Variants in ERICH3 observed in about 807,000 individuals in gnomAD.
ERICH3 encodes the protein glutamate-rich protein 3.
Under a neutral mutation model 131.1 loss-of-function variants are expected in ERICH3, and 126 were observed. The observed-to-expected ratio is 0.96, with a 90% CI of 0.83 to 1.11. ERICH3 has a LOEUF of 1.11. Among genes scored for constraint, ERICH3 ranks in the 50% most tolerant of loss-of-function variants. The probability of loss-of-function intolerance (pLI) is 0.00; values close to 1 mark genes in which losing one functional copy is unlikely to be tolerated. For synonymous variants in ERICH3, 695 were observed against 644.6 expected (o/e 1.08, Z -1.18); for missense variants, 2,050 against 1,810.7 (o/e 1.13, Z -2.40).
At chr1:74,622,729 G>C (rs1358311576) in intron 7 of ERICH3, 1 of 152,180 alleles carries the variant, frequency 6.6e-6, no homozygotes, top group Admixed American at 6.5e-5. Flanking sequence ...GTCAGGGAAA[G>C]ACCTGTGTCC....
At chr1:74,667,411 C>T (rs979322628) in intron 1 of ERICH3, among the ~76,000 whole-genome samples, 22 of 152,174 alleles carry the variant, frequency 1.4e-4, no homozygotes, top group South Asian at 1.2e-3. Context: ...TGTGGGGAAG[C>T]GAGTAAGCCA....
intron 10 of ERICH3, among the ~76,000 whole-genome samples, chr1:74,602,349 C>T (rs1648177334): frequency 6.6e-6 from 1 of 151,940 alleles, no homozygotes; most frequent in Non-Finnish European, 1.5e-5. Context: ...ACCTTTGTGT[C>T]ATCTACTCAT....
Position 74,576,935 on chromosome 1 carries a change from T to C in ERICH3, c.2178A>G (p.Gly726=). The C allele has an allele frequency of 6.3e-7, 1 of 1,594,430 alleles. No individual in the cohort carries two copies. The highest frequency in any genetic ancestry group is 8.5e-7 in the Non-Finnish European group (1 of 1,173,382). The part of the protein sequence containing the change: ...KAGLPGLEEG[G]KDSLPLAYVL... ...CATAGGCTAATGGCAATGAATCCTT[T>C]CCTAGTTAAAAAAAAAAAAAAGAAA... Residue 726 remains glycine (G), a splice_region_variant and synonymous_variant, in exon 13 of 15, where the codon GGA becomes GGG. Coordinates refer to ENST00000326665, the MANE Select transcript of ERICH3 (RefSeq NM_001002912.5).
At chr1:74,602,740 A>T (rs1343376571) in intron 10 of ERICH3, among the ~76,000 whole-genome samples, 1 of 151,928 alleles carries the variant, frequency 6.6e-6, no homozygotes, top group African/African-American at 2.4e-5. Context: ...AGCACTAGTT[A>T]TGTTGGTTTA....
chr1:74,599,392 A>C (rs572047495), intron 11 of ERICH3, among the ~76,000 whole-genome samples: 21 of 152,076 alleles, frequency 1.4e-4, no homozygotes, highest in African/African-American at 5.1e-4. Flanking sequence ...ACATGGACAC[A>C]TAGTGGGGAA....
At chr1:74,602,054 T>C (rs912479155) in intron 10 of ERICH3, among the ~76,000 whole-genome samples, 1 of 151,858 alleles carries the variant, frequency 6.6e-6, no homozygotes, top group Non-Finnish European at 1.5e-5. Flanking sequence ...TATGTACTCC[T>C]TTGACAGCAA....
At chr1:74,658,394 G>T (rs1170933716) in intron 1 of ERICH3, among the ~76,000 whole-genome samples, 7 of 152,158 alleles carry the variant, frequency 4.6e-5, no homozygotes, top group African/African-American at 7.2e-5. Flanking sequence ...AAGCAGCATT[G>T]AGCAGAGGGA....
chr1:74,590,066 A>C lies in ERICH3; in HGVS notation c.1741T>G (p.Ser581Ala), dbSNP rs112737024. 5 of 1,602,418 alleles carry C rather than the reference A, an allele frequency of 3.1e-6. No homozygotes were observed. Among genetic ancestry groups the C allele is most frequent in the South Asian group, 2.2e-5 (2 of 89,862 alleles). Residue 581 changes from serine to alanine, a missense_variant, in exon 12 of 15, where the codon TCA becomes GCA. By Grantham distance (99) the Ser-to-Ala change is moderately conservative. Coordinates refer to ENST00000326665, the MANE Select transcript of ERICH3 (RefSeq NM_001002912.5). Reference sequence around the variant, plus strand: ...GGGTGACTTCTGGATGAGGTTGATGAAGCAGTTTTCATATCTACAAAAAAT... The same window carrying C: ...GGGTGACTTCTGGATGAGGTTGATGCAGCAGTTTTCATATCTACAAAAAAT... ...EEDKQDMKTA[S>A]STSSRSHPYS...
At chr1:74,659,322 G>C (rs74095105) in intron 1 of ERICH3, among the ~76,000 whole-genome samples, 446 of 87,384 alleles carry the variant, frequency 5.1e-3, no homozygotes, top group African/African-American at 0.02. Context: ...TTGCACAGGC[G>C]CATGTGTGTG....
chr1:74,636,009 T>G (rs1040679732), intron 6 of ERICH3, among the ~76,000 whole-genome samples: 1 of 152,196 alleles, frequency 6.6e-6, no homozygotes, highest in South Asian at 2.1e-4. Flanking sequence ...GTTTTCCCCT[T>G]TGTTTTTCAA....
intron 11 of ERICH3, among the ~76,000 whole-genome samples, chr1:74,590,396 C>T (rs896213997): frequency 2.0e-5 from 3 of 152,094 alleles, no homozygotes; most frequent in Non-Finnish European, 4.4e-5. Flanking sequence ...AATTATACAA[C>T]TGACAATAAT....
intron 9 of ERICH3, among the ~76,000 whole-genome samples, chr1:74,609,157 A>T (rs1488239066): frequency 6.6e-6 from 1 of 152,066 alleles, no homozygotes; most frequent in Non-Finnish European, 1.5e-5. Flanking sequence ...GCAATTGAAA[A>T]TTACTACGCC....
chr1:74,572,808 C>G lies in ERICH3; in HGVS notation c.2902G>C (p.Asp968His), dbSNP rs757366339. 3.1e-6 allele frequency: 5 copies of G among 1,613,882 alleles called. No homozygotes were observed. Among genetic ancestry groups the G allele is most frequent in the South Asian group, 2.2e-5 (2 of 91,080 alleles). Residue 968 changes from aspartate to histidine, a missense_variant, in exon 14 of 15, where the codon GAC becomes CAC. Physicochemically the swap from Asp to His is moderately conservative, Grantham distance 81. Coordinates refer to ENST00000326665, the MANE Select transcript of ERICH3 (RefSeq NM_001002912.5). ...PMEDTASKRE[D>H]GSEEAILGGE... ...CCAAGAATTGCCTCTTCAGAACCGTCCTCTCTCTTTGATGCTGTGTCCTCC... is the reference window on the plus strand; with the variant it reads ...CCAAGAATTGCCTCTTCAGAACCGTGCTCTCTCTTTGATGCTGTGTCCTCC...
chr1:74,631,896 G>A lies in ERICH3; in HGVS notation c.636C>T (p.Ser212=), dbSNP rs1420583035. ...GKKAVMKFRN[S]IGNSQRMNSY... is the part of the protein sequence containing the mutation. ...AATTCATTCTCTGTGAATTGCCTAT[G>A]GAGTTCCTGAACTTCATCACTGCCT... Residue 212 remains serine (S), a synonymous_variant, in exon 7 of 15, where the codon TCC becomes TCT. Transcript: ENST00000326665. 2 of 1,613,168 alleles carry A rather than the reference G, an allele frequency of 1.2e-6. No homozygotes were observed. Among genetic ancestry groups the A allele is most frequent in the East Asian group, 4.5e-5 (2 of 44,834 alleles).
At chr1:74,573,946 C>G (rs575718952) in intron 13 of ERICH3, among the ~76,000 whole-genome samples, 1 of 150,450 alleles carries the variant, frequency 6.6e-6, no homozygotes, top group East Asian at 1.9e-4. Flanking sequence ...AGAAAAATAG[C>G]ATTTAATCTT....
chr1:74,620,764 A>G lies in ERICH3; in HGVS notation c.970T>C (p.Cys324Arg), dbSNP rs1216169889. 6.2e-7 allele frequency: 1 copy of G among 1,609,650 alleles called. No individual in the cohort carries two copies. The highest frequency in any genetic ancestry group is 1.3e-5 in the African/African-American group (1 of 74,770). Residue 324 changes from cysteine to arginine, a missense_variant, in exon 8 of 15, where the codon TGT becomes CGT. By Grantham distance (180) the Cys-to-Arg change is radical. Coordinates refer to ENST00000326665, the MANE Select transcript of ERICH3 (RefSeq NM_001002912.5). ...TCAAGTAGTTTGCCTTTGTAGACAC[A>G]AAGGTTTTCCCCACCACAGTGCTGC... ...YQQHCGGENL[C>R]VYKGKLLEKE...
At chr1:74,664,196 G>T (rs563243315) in intron 1 of ERICH3, among the ~76,000 whole-genome samples, 1 of 151,834 alleles carries the variant, frequency 6.6e-6, no homozygotes, top group South Asian at 2.1e-4. Flanking sequence ...AATAAAAATG[G>T]AAACTATAAT....
Position 74,606,785 on chromosome 1 carries a change from T to C in ERICH3, c.1305A>G (p.Arg435=), listed in dbSNP as rs764214735. 3 of 1,613,342 alleles carry C rather than the reference T, an allele frequency of 1.9e-6. No homozygotes were observed. In the African/African-American group the frequency reaches 4.0e-5, roughly 22 times the overall value. Residue 435 remains arginine (R), a synonymous_variant, in exon 10 of 15, where the codon AGA becomes AGG. Transcript: ENST00000326665. ...CATTTCTTTTTGGTATCACATACTC[T>C]CTCTCTTTCCTCACTTTCCCCTCAG... ...KKAEGKVRKE[R]EYVIPKRNEI... is the part of the protein sequence containing the mutation.
At chr1:74,648,454 GC>G (rs756261271) in intron 2 of ERICH3, among the ~76,000 whole-genome samples, 3 of 152,138 alleles carry the variant, frequency 2.0e-5, no homozygotes, top group Admixed American at 6.6e-5. Flanking sequence ...CTCGGTTTCA[GC>G]CAGGTCTGTC....
Sources: allele counts gnomAD v4.1 joint callset (sites outside exome capture counted in the v4.1 genomes callset), GRCh38; gene constraint gnomAD v4.1.1; transcripts MANE v1.5; gene names NCBI Gene and HGNC (gene_info 2026-07-23, HGNC 2026-07-21).